SRGAP2: variants seen among roughly 807,000 people sequenced by gnomAD.
SRGAP2 encodes SLIT-ROBO Rho GTPase activating protein 2.
A neutral mutation model predicts 57.2 loss-of-function variants in SRGAP2; 15 were observed. The ratio of observed to expected loss-of-function variants is 0.26; its 90% confidence interval spans 0.18 to 0.40. The LOEUF is 0.40. SRGAP2 is among the 10% of genes least tolerant of loss of function. The probability of loss-of-function intolerance (pLI) is 1.00; values close to 1 mark genes in which losing one functional copy is unlikely to be tolerated. For synonymous variants in SRGAP2, 249 were observed against 248.0 expected (o/e 1.00, Z -0.04); for missense variants, 520 against 669.6 (o/e 0.78, Z 2.47).
chr1:206,437,080 C>A lies in SRGAP2; in HGVS notation c.1633+38C>A. 3.8e-6 allele frequency: 3 copies of A among 779,628 alleles called. No homozygotes were observed. In the Middle Eastern group the frequency reaches 6.8e-4, roughly 176 times the overall value. 48.3% of individuals were successfully genotyped at this position (779,628 alleles called of 1,614,324 possible). A position where few individuals can be genotyped will look rare whatever the true frequency, so the allele number is the denominator to read the frequency against. On this transcript the variant is annotated intron_variant, in intron 15 of 22. Transcript: ENST00000573034. ...TCTTGAAGATAAAACCAAATATTTG[C>A]CAGCCCCCTGGGGTATTGGCTCCAC...
At chr1:206,312,175 A>AGCAGCTGCCAGCAGC (rs1352556989) in intron 3 of SRGAP2, 1 of 150,494 alleles carries the variant, frequency 6.6e-6, no homozygotes, top group Non-Finnish European at 1.5e-5. Context: ...CTGCCAGGAG[A>AGCAGCTGCCAGCAGC]GCAGCTGCCA....
intron 2 of SRGAP2, among the ~76,000 whole-genome samples, chr1:206,240,245 A>T (rs1168167181): frequency 4.6e-4 from 68 of 148,256 alleles, no homozygotes; most frequent in African/African-American, 1.5e-3. Flanking sequence ...TAGCCTGGGC[A>T]ACAGAGTGAG....
intron 4 of SRGAP2, among the ~76,000 whole-genome samples, chr1:206,359,880 C>T: frequency 7.6e-6 from 1 of 131,416 alleles, no homozygotes; most frequent in Non-Finnish European, 1.5e-5. Context: ...GATCTCGGCT[C>T]ACTGCAAGCT....
At position 206,205,688 on chromosome 1, in the gene SRGAP2, C is replaced by T; in HGVS notation, c.-283C>T. 4.4e-6 allele frequency: 2 copies of T among 457,946 alleles called. No homozygotes were observed. Among genetic ancestry groups the T allele is most frequent in the South Asian group, 2.1e-5 (1 of 47,154 alleles). The allele number at this position is 457,946 out of a possible 1,614,324, so 28.4% of individuals were successfully genotyped here. On this transcript the variant is annotated 5_prime_UTR_variant, in exon 2 of 23. Transcript: ENST00000573034. ...CGTTGATGTCAGACCCCAGGCCAGC[C>T]TCCGGGCGCTGCAGTTCTCCCGGCT...
chr1:206,373,109 T>C (rs1654869154), intron 4 of SRGAP2, among the ~76,000 whole-genome samples: 1 of 128,926 alleles, frequency 7.8e-6, no homozygotes, highest in African/African-American at 3.0e-5. Context: ...CTTTTTTTTT[T>C]TTTTTTTTCT....
chr1:206,307,251 A>G (rs1249004461), intron 3 of SRGAP2, among the ~76,000 whole-genome samples: 1 of 152,210 alleles, frequency 6.6e-6, no homozygotes, highest in Admixed American at 6.5e-5. Flanking sequence ...TCACTAGAGC[A>G]GCTAGATACA....
chr1:206,245,253 T>C (rs1218655876), intron 2 of SRGAP2, among the ~76,000 whole-genome samples: 21 of 147,964 alleles, frequency 1.4e-4, no homozygotes, highest in Non-Finnish European at 2.8e-4. Context: ...AGTGCCGAGT[T>C]AAATGAGTCA....
At chr1:206,383,647 A>G (rs1382233373) in intron 4 of SRGAP2, among the ~76,000 whole-genome samples, 4 of 149,674 alleles carry the variant, frequency 2.7e-5, no homozygotes, top group Non-Finnish European at 5.9e-5. Flanking sequence ...TTCCTTTGAA[A>G]TCTTCTGGAA....
chr1:206,344,196 C>CAAAG (rs1675443497), intron 4 of SRGAP2, among the ~76,000 whole-genome samples: 1 of 146,060 alleles, frequency 6.8e-6, no homozygotes, highest in Admixed American at 6.9e-5. Flanking sequence ...TTGGAATCTT[C>CAAAG]CATCTACCTA....
intron 4 of SRGAP2, among the ~76,000 whole-genome samples, chr1:206,376,265 A>G (rs1175048440): frequency 2.6e-5 from 4 of 151,062 alleles, no homozygotes; most frequent in Admixed American, 6.6e-5. Flanking sequence ...TTCTTTCCTC[A>G]GGAAAGCTGA....
intron 2 of SRGAP2, among the ~76,000 whole-genome samples, chr1:206,216,793 T>G (rs1433185188): frequency 2.0e-4 from 17 of 84,888 alleles, no homozygotes; most frequent in South Asian, 8.6e-4. Context: ...ATTCTCTTTG[T>G]TTTTTTGTTT....
intron 19 of SRGAP2, among the ~76,000 whole-genome samples, chr1:206,451,376 G>T (rs546528206): frequency 6.6e-6 from 1 of 152,204 alleles, no homozygotes; most frequent in African/African-American, 2.4e-5. Context: ...CTTTATGAGG[G>T]TCTGTCCAGC....
At position 206,453,607 on chromosome 1, in the gene SRGAP2, A is replaced by G. The variant is rs562646724; in HGVS notation, c.2360+227A>G. 1.0e-4 allele frequency: 33 copies of G among 320,294 alleles called. 1 individual carries two copies. Among genetic ancestry groups the G allele is most frequent in the African/African-American group, 6.6e-4 (30 of 45,236 alleles). The allele number at this position is 320,294 out of a possible 1,614,324, so 19.8% of individuals were successfully genotyped here. ...CTCTCCACTATCTGTGCCCCCTGCAAATCACCCCCTAATCCAGTCATTTTA... is the reference window on the plus strand; with the variant it reads ...CTCTCCACTATCTGTGCCCCCTGCAGATCACCCCCTAATCCAGTCATTTTA... On this transcript the variant is annotated intron_variant, in intron 20 of 22. Transcript: ENST00000573034.
intron 2 of SRGAP2, among the ~76,000 whole-genome samples, chr1:206,217,465 C>T (rs1252327423): frequency 2.2e-4 from 34 of 152,092 alleles, no homozygotes; most frequent in African/African-American, 8.2e-4. Context: ...GGAGATAACT[C>T]ACCTAAGGTC....
chr1:206,309,635 C>T (rs1359140397), intron 3 of SRGAP2, among the ~76,000 whole-genome samples: 1 of 151,720 alleles, frequency 6.6e-6, no homozygotes, highest in Non-Finnish European at 1.5e-5. Context: ...GTGGCATTCA[C>T]GATAGAAGTG....
At chr1:206,451,810 G>A (rs1553376038) in intron 19 of SRGAP2, among the ~76,000 whole-genome samples, 3 of 152,154 alleles carry the variant, frequency 2.0e-5, no homozygotes, top group Admixed American at 1.3e-4. Flanking sequence ...GTCGAGTAAC[G>A]TACCCGAGGC....
intron 13 of SRGAP2, among the ~76,000 whole-genome samples, chr1:206,424,049 T>C (rs1572117684): frequency 6.9e-6 from 1 of 145,778 alleles, no homozygotes; most frequent in African/African-American, 2.5e-5. Context: ...TGCCTCGGCC[T>C]CCCAAAGTGC....
At chr1:206,361,325 CAG>C (rs1553340551) in intron 4 of SRGAP2, among the ~76,000 whole-genome samples, 1 of 150,638 alleles carries the variant, frequency 6.6e-6, no homozygotes, top group Non-Finnish European at 1.5e-5. Flanking sequence ...AAGCCTGAGA[CAG>C]AGAATTAAAA....
At chr1:206,431,259 C>T (rs1476973871) in intron 14 of SRGAP2, among the ~76,000 whole-genome samples, 1 of 152,158 alleles carries the variant, frequency 6.6e-6, no homozygotes, top group Non-Finnish European at 1.5e-5. Context: ...GAACAGTCAA[C>T]AAATTTATCA....
Sources: gnomAD v4.1 joint callset for allele counts (sites outside exome capture counted in the v4.1 genomes callset) on GRCh38, gnomAD v4.1.1 for gene constraint, MANE v1.5 for transcripts, NCBI Gene and HGNC (gene_info 2026-07-23, HGNC 2026-07-21) for gene names.